Variants in ULK4 observed in about 807,000 individuals in gnomAD.
ULK4 encodes the protein inactive serine/threonine-protein kinase ULK4.
ULK4 carries 133 observed loss-of-function variants against 160.6 expected under a neutral mutation model. The observed-to-expected ratio is 0.83, with a 90% confidence interval of 0.72 to 0.96. The LOEUF is 0.96. Ranked by LOEUF, ULK4 falls within the 40% of genes least tolerant of loss-of-function variation. ULK4 has a pLI of 0.00. For missense variants in ULK4, 1,580 were observed against 1,499.5 expected, an observed-to-expected ratio of 1.05 and a Z score of -0.89; for synonymous variants, 534 against 539.8, an observed-to-expected ratio of 0.99 and a Z score of 0.15.
intron 3 of ULK4, chr3:41,937,237 A>G: frequency 3.3e-6 from 2 of 615,380 alleles, no homozygotes; most frequent in Non-Finnish European, 2.9e-6. Flanking sequence ...ACATCTGGTC[A>G]GAGATCAGAA....
intron 27 of ULK4, among the ~76,000 whole-genome samples, chr3:41,685,467 T>A (rs138605171): frequency 2.6e-3 from 395 of 152,298 alleles, no homozygotes; most frequent in African/African-American, 9.1e-3. Context: ...ACTCTGTTGT[T>A]CTTCTATGCT....
chr3:41,320,166 G>A (rs568488467), intron 35 of ULK4, among the ~76,000 whole-genome samples: 3 of 152,224 alleles, frequency 2.0e-5, no homozygotes, highest in Non-Finnish European at 1.5e-5. Context: ...TCTTCTAGTG[G>A]CTTTGAGCTT....
chr3:41,296,197 G>A (rs895088746), intron 35 of ULK4, among the ~76,000 whole-genome samples: 1 of 152,196 alleles, frequency 6.6e-6, no homozygotes, highest in Non-Finnish European at 1.5e-5. Flanking sequence ...GGGATGCAGT[G>A]CATGTGTGGA....
At chr3:41,706,108 C>G (rs1346402201) in intron 25 of ULK4, among the ~76,000 whole-genome samples, 3 of 151,954 alleles carry the variant, frequency 2.0e-5, no homozygotes, top group Non-Finnish European at 4.4e-5. Flanking sequence ...ATGCACCATG[C>G]TAGTGCCTCC....
At chr3:41,886,324 T>C (rs570785062) in intron 16 of ULK4, among the ~76,000 whole-genome samples, 2 of 152,296 alleles carry the variant, frequency 1.3e-5, no homozygotes, top group East Asian at 3.9e-4. Flanking sequence ...AGATGATCCA[T>C]GAAGGCAGGG....
At chr3:41,464,701 T>C (rs2083782796) in intron 32 of ULK4, among the ~76,000 whole-genome samples, 1 of 152,102 alleles carries the variant, frequency 6.6e-6, no homozygotes, top group Non-Finnish European at 1.5e-5. Context: ...GGTTTTTCAT[T>C]TGGGGGTTCC....
At chr3:41,568,995 C>T (rs2087878038) in intron 31 of ULK4, among the ~76,000 whole-genome samples, 1 of 152,142 alleles carries the variant, frequency 6.6e-6, no homozygotes, top group Non-Finnish European at 1.5e-5. Flanking sequence ...CTCAGGAAAA[C>T]ACGTTTACCA....
intron 35 of ULK4, among the ~76,000 whole-genome samples, chr3:41,252,465 A>T (rs1176552264): frequency 1.3e-5 from 2 of 152,162 alleles, no homozygotes; most frequent in African/African-American, 4.8e-5. Context: ...GAATTTTCTA[A>T]CTAAAAACAT....
chr3:41,882,391 T>G, intron 17 of ULK4: 1 of 657,104 alleles, frequency 1.5e-6, no homozygotes, highest in Non-Finnish European at 2.7e-6. Flanking sequence ...CGTAGTATTC[T>G]TTTCTATAAG....
At chr3:41,732,487 G>A (rs2037867017) in intron 22 of ULK4, among the ~76,000 whole-genome samples, 1 of 152,100 alleles carries the variant, frequency 6.6e-6, no homozygotes, top group Non-Finnish European at 1.5e-5. Context: ...TGGCATAGAT[G>A]TGAAGAAAGG....
intron 35 of ULK4, among the ~76,000 whole-genome samples, chr3:41,255,095 T>C (rs1451849904): frequency 4.6e-5 from 7 of 151,364 alleles, no homozygotes; most frequent in Admixed American, 4.6e-4. Context: ...CTCTTATATA[T>C]AATTATATAC....
At chr3:41,880,077 G>C (rs1391432590) in intron 17 of ULK4, among the ~76,000 whole-genome samples, 1 of 152,048 alleles carries the variant, frequency 6.6e-6, no homozygotes, top group Non-Finnish European at 1.5e-5. Flanking sequence ...CCAAGATCAC[G>C]CCACTGCAAT....
chr3:41,430,892 A>G (rs977755474), intron 34 of ULK4, among the ~76,000 whole-genome samples: 5 of 152,118 alleles, frequency 3.3e-5, no homozygotes, highest in Non-Finnish European at 5.9e-5. Context: ...TGAGCTTACA[A>G]GCAATGAGGT....
intron 35 of ULK4, among the ~76,000 whole-genome samples, chr3:41,259,380 T>G (rs374457833): frequency 1.3e-5 from 2 of 152,106 alleles, no homozygotes; most frequent in East Asian, 3.9e-4. Context: ...AAATACAAAC[T>G]AGCAAGTGGA....
At chr3:41,503,724 CT>C (rs1358315635) in intron 32 of ULK4, among the ~76,000 whole-genome samples, 1 of 151,958 alleles carries the variant, frequency 6.6e-6, no homozygotes, top group Non-Finnish European at 1.5e-5. Context: ...ATGTTTTTGT[CT>C]TTTAAAAAAA....
intron 17 of ULK4, among the ~76,000 whole-genome samples, chr3:41,844,087 G>C (rs1055159405): frequency 6.6e-6 from 1 of 152,168 alleles, no homozygotes; most frequent in Non-Finnish European, 1.5e-5. Flanking sequence ...CACCAGACTC[G>C]GGAGCACCGC....
chr3:41,773,559 A>G (rs2039486551), intron 21 of ULK4, among the ~76,000 whole-genome samples: 1 of 152,208 alleles, frequency 6.6e-6, no homozygotes, highest in Non-Finnish European at 1.5e-5. Flanking sequence ...CCACTGCTCA[A>G]TGAAATTAAA....
chr3:41,401,855 C>T (rs890333665), intron 34 of ULK4, among the ~76,000 whole-genome samples: 5 of 152,142 alleles, frequency 3.3e-5, no homozygotes, highest in African/African-American at 7.2e-5. Context: ...AAGTTGCTAT[C>T]GACAAGGATG....
chr3:41,449,762 GTTTTAT>G (rs2083384614), intron 34 of ULK4, among the ~76,000 whole-genome samples: 2 of 151,660 alleles, frequency 1.3e-5, no homozygotes, highest in African/African-American at 4.8e-5. Flanking sequence ...TCTACATTGT[GTTTTAT>G]TTTTAATTTA....
Sources: allele counts gnomAD v4.1 joint callset (sites outside exome capture counted in the v4.1 genomes callset), GRCh38; gene constraint gnomAD v4.1.1; transcripts MANE v1.5; gene names NCBI Gene and HGNC (gene_info 2026-07-23, HGNC 2026-07-21).